The following KCNH8 variants were observed in gnomAD, a reference collection of about 807,000 sequenced individuals.
KCNH8 encodes the protein voltage-gated delayed rectifier potassium channel KCNH8.
Under a neutral mutation model 103.6 loss-of-function variants are expected in KCNH8, and 70 were observed. The ratio of observed to expected loss-of-function variants is 0.68; its 90% CI spans 0.56 to 0.82. The LOEUF is 0.82. Ranked by LOEUF, KCNH8 falls within the 40% of genes least tolerant of loss-of-function variation. The pLI, the probability that KCNH8 is intolerant of heterozygous loss-of-function variation, is 0.00. For synonymous variants in KCNH8, 498 were observed against 489.4 expected (o/e 1.02, Z -0.23); for missense variants, 1,217 against 1,329.9 (o/e 0.92, Z 1.32).
chr3:19,270,638 A>T (rs927493065), intron 2 of KCNH8, among the ~76,000 whole-genome samples: 5 of 152,072 alleles, frequency 3.3e-5, no homozygotes, highest in Non-Finnish European at 7.4e-5. Flanking sequence ...GTTGAGGAAG[A>T]TGTCTGTTTT....
At chr3:19,194,608 G>A (rs13061347) in intron 1 of KCNH8, among the ~76,000 whole-genome samples, 125,741 of 151,644 alleles carry the variant, frequency 0.83, 52,508 homozygotes, top group African/African-American at 0.92. Context: ...GTTAGAAACA[G>A]TAGACAATGG....
intron 15 of KCNH8, among the ~76,000 whole-genome samples, chr3:19,522,876 T>TAAAC (rs1189027244): frequency 4.6e-5 from 7 of 151,874 alleles, no homozygotes; most frequent in African/African-American, 1.2e-4. Flanking sequence ...TGAGATAAAT[T>TAAAC]AAACACTTTC....
rs559705413 is a variant in KCNH8 at position 19,518,950 on chromosome 3, A to T, written c.2619+876A>T. On this transcript the variant is annotated intron_variant, in intron 15 of 15. Transcript: ENST00000328405. ...TTATTTGAAAAGTGATACAGGAAGT[A>T]TAATTAAAGAACAGAGAAGTAAGAC... is the stretch of plus-strand genomic sequence containing the variant. Among the ~76,000 whole-genome samples the T allele has an allele frequency of 9.9e-5, 15 of 152,218 alleles. No individual in the cohort carries two copies. In the South Asian group the frequency reaches 2.7e-3, roughly 27 times the overall value.
intron 7 of KCNH8, among the ~76,000 whole-genome samples, chr3:19,403,270 G>A (rs2066639923): frequency 6.7e-6 from 1 of 149,362 alleles, no homozygotes; most frequent in African/African-American, 2.4e-5. Flanking sequence ...CTTGCAATCT[G>A]TACTCTACAT....
intron 11 of KCNH8, among the ~76,000 whole-genome samples, chr3:19,457,298 AT>A (rs1252312553): frequency 6.6e-6 from 1 of 151,988 alleles, no homozygotes; most frequent in Non-Finnish European, 1.5e-5. Context: ...TTTCTCCAGA[AT>A]TTAAAGATTT....
chr3:19,277,820 A>G (rs13063294), intron 2 of KCNH8, among the ~76,000 whole-genome samples: 2 of 152,126 alleles, frequency 1.3e-5, no homozygotes, highest in African/African-American at 4.8e-5. Flanking sequence ...GGTGTCATTA[A>G]CCTAAATCCT....
rs532609532 is a variant in KCNH8 at position 19,338,702 on chromosome 3, A to T, written c.443-3885A>T. 2.6e-5 allele frequency among the ~76,000 whole-genome samples: 4 copies of T among 152,222 alleles called. No homozygotes were observed. The East Asian group carries it at 7.7e-4, about 29-fold the overall frequency. On this transcript the variant is annotated intron_variant, in intron 3 of 15. Transcript: ENST00000328405. ...ACAGCAGTTGTACATTTCTCTAAAC[A>T]ATATATCATTTAGTTTTACATGTCT...
intron 7 of KCNH8, among the ~76,000 whole-genome samples, chr3:19,407,713 C>T (rs1488021348): frequency 2.0e-5 from 3 of 152,146 alleles, no homozygotes; most frequent in African/African-American, 7.2e-5. Flanking sequence ...TTCCCTGGTT[C>T]AGCAGCCTGA....
chr3:19,450,219 C>T lies in KCNH8; in HGVS notation c.1489C>T (p.His497Tyr). 1 of 1,613,626 alleles carries T rather than the reference C, an allele frequency of 6.2e-7. No homozygotes were observed. The highest frequency in any genetic ancestry group is 1.7e-5 in the Admixed American group (1 of 59,948). The stretch of plus-strand genomic sequence containing the variant: ...GGATCTGAAAGATTTCATCCGTGTC[C>T]ATCACTTGCCCCAACAACTCAAGCA... ...TKDLKDFIRV[H>Y]HLPQQLKQRM... The change falls in exon 9 of 16, where the codon CAT becomes TAT. Residue 497 changes from histidine to tyrosine, a missense_variant. His to Tyr is a moderately conservative substitution (Grantham distance 83, BLOSUM62 2). This residue lies in a region of KCNH8 where 415 missense variants were observed against 577.4 expected (regional missense o/e 0.72). Transcript: ENST00000328405.
chr3:19,309,774 T>C (rs1029801739), intron 3 of KCNH8, among the ~76,000 whole-genome samples: 1 of 151,968 alleles, frequency 6.6e-6, no homozygotes, highest in African/African-American at 2.4e-5. Context: ...ATCCCATTCT[T>C]GCAACCATCA....
At chr3:19,159,551 A>C (rs2063214283) in intron 1 of KCNH8, among the ~76,000 whole-genome samples, 1 of 152,070 alleles carries the variant, frequency 6.6e-6, no homozygotes, top group African/African-American at 2.4e-5. Context: ...GTTGCATGAA[A>C]ACAGGGCCAA....
chr3:19,334,129 C>T (rs953024574), intron 3 of KCNH8, among the ~76,000 whole-genome samples: 1 of 151,306 alleles, frequency 6.6e-6, no homozygotes, highest in African/African-American at 2.4e-5. Context: ...CCGTATGGAC[C>T]GTCATTGAAT....
intron 7 of KCNH8, among the ~76,000 whole-genome samples, chr3:19,409,901 TAGAC>T (rs757962022): frequency 3.3e-5 from 5 of 152,052 alleles, no homozygotes; most frequent in Non-Finnish European, 7.4e-5. Context: ...CAAAAAGACT[TAGAC>T]AGCCACACAA....
chr3:19,228,687 A>G (rs954024862), intron 1 of KCNH8, among the ~76,000 whole-genome samples: 5 of 152,240 alleles, frequency 3.3e-5, no homozygotes, highest in African/African-American at 1.2e-4. Context: ...TTACGTCACC[A>G]ATATATTTAG....
chr3:19,482,422 T>C (rs1173949540), intron 11 of KCNH8, among the ~76,000 whole-genome samples: 6 of 152,150 alleles, frequency 3.9e-5, no homozygotes, highest in South Asian at 4.1e-4. Context: ...TTAGTGGGAG[T>C]TTTCACTTTT....
intron 1 of KCNH8, among the ~76,000 whole-genome samples, chr3:19,193,324 G>A (rs1177525785): frequency 1.3e-5 from 2 of 151,596 alleles, no homozygotes; most frequent in African/African-American, 4.8e-5. Context: ...ATAAAAATAA[G>A]AACAATCTTA....
At chr3:19,524,415 C>G (rs1575173827) in intron 15 of KCNH8, among the ~76,000 whole-genome samples, 1 of 151,864 alleles carries the variant, frequency 6.6e-6, no homozygotes, top group Non-Finnish European at 1.5e-5. Context: ...GATGTTAATA[C>G]TACGTTTTGT....
intron 1 of KCNH8, among the ~76,000 whole-genome samples, chr3:19,182,784 C>T (rs935892200): frequency 3.9e-5 from 6 of 152,094 alleles, no homozygotes; most frequent in African/African-American, 1.2e-4. Context: ...TAAGTAAGAA[C>T]AAGTAAAATT....
intron 8 of KCNH8, 25 bp downstream of exon 8, chr3:19,438,386 T>C: frequency 3.8e-6 from 6 of 1,569,356 alleles, no homozygotes; most frequent in Non-Finnish European, 5.2e-6. Context: ...TCTTTTATAC[T>C]AAGAAGAGGA....
Sources: gnomAD v4.1 joint callset for allele counts (sites outside exome capture counted in the v4.1 genomes callset) on GRCh38, gnomAD v4.1.1 for gene constraint, gnomAD v4.1.1 regional missense constraint, MANE v1.5 for transcripts, NCBI Gene and HGNC (gene_info 2026-07-23, HGNC 2026-07-21) for gene names.